CSNK2A2IP: variants seen among roughly 807,000 people sequenced by gnomAD.
CSNK2A2IP encodes the protein casein kinase II subunit alpha'-interacting protein.
the CSNK2A2IP span, among the ~76,000 whole-genome samples, chr3:88,350,533 T>G: frequency 6.6e-6 from 1 of 151,304 alleles, no homozygotes; most frequent in Non-Finnish European, 1.5e-5. Context: ...ATGAGAAACT[T>G]ACTTTATTGC....
At chr3:88,378,350 A>T in the CSNK2A2IP span, among the ~76,000 whole-genome samples, 1 of 151,934 alleles carries the variant, frequency 6.6e-6, no homozygotes, top group Middle Eastern at 3.4e-3. Flanking sequence ...GAATACATCA[A>T]AATTCTGTCT....
chr3:88,433,497 G>T, the CSNK2A2IP span, among the ~76,000 whole-genome samples: 1 of 151,978 alleles, frequency 6.6e-6, no homozygotes, highest in African/African-American at 2.4e-5. Flanking sequence ...TAATTTTGAG[G>T]TGTTTAGTTT....
chr3:88,398,237 T>G, the CSNK2A2IP span, among the ~76,000 whole-genome samples: 1 of 152,162 alleles, frequency 6.6e-6, no homozygotes, highest in Non-Finnish European at 1.5e-5. Context: ...TGGCCCATTG[T>G]TGAACCCATT....
the CSNK2A2IP span, among the ~76,000 whole-genome samples, chr3:88,462,982 A>G: frequency 6.6e-6 from 1 of 152,240 alleles, no homozygotes; most frequent in Non-Finnish European, 1.5e-5. Context: ...CAAGTGAATT[A>G]TGGTACTAAT....
At chr3:88,346,695 G>C in the CSNK2A2IP span, among the ~76,000 whole-genome samples, 1 of 151,884 alleles carries the variant, frequency 6.6e-6, no homozygotes, top group Non-Finnish European at 1.5e-5. Context: ...TTTTCAAAAC[G>C]TTTGAAAATA....
At chr3:88,396,951 T>G in the CSNK2A2IP span, among the ~76,000 whole-genome samples, 1 of 152,080 alleles carries the variant, frequency 6.6e-6, no homozygotes, top group Non-Finnish European at 1.5e-5. Flanking sequence ...CTAACAGAGT[T>G]AGTGATAGCT....
At chr3:88,398,435 C>G in the CSNK2A2IP span, among the ~76,000 whole-genome samples, 1 of 152,012 alleles carries the variant, frequency 6.6e-6, no homozygotes, top group Admixed American at 6.6e-5. Flanking sequence ...CTAATATGAA[C>G]GCAAAAACTT....
the CSNK2A2IP span, among the ~76,000 whole-genome samples, chr3:88,409,515 A>C: frequency 6.6e-6 from 1 of 150,664 alleles, no homozygotes. Context: ...CAGGTACAGA[A>C]GAAAATTTTG....
At chr3:88,345,895 G>A in the CSNK2A2IP span, among the ~76,000 whole-genome samples, 1 of 151,996 alleles carries the variant, frequency 6.6e-6, no homozygotes, top group Middle Eastern at 3.2e-3. Context: ...TATGTTGAAA[G>A]CTGAGGCAGG....
At chr3:88,367,895 AG>A in the CSNK2A2IP span, among the ~76,000 whole-genome samples, 2 of 152,080 alleles carry the variant, frequency 1.3e-5, no homozygotes, top group African/African-American at 2.4e-5. Context: ...TTATTTTTCA[AG>A]AAAAAAGATT....
At chr3:88,430,321 A>C in the CSNK2A2IP span, among the ~76,000 whole-genome samples, 1 of 152,172 alleles carries the variant, frequency 6.6e-6, no homozygotes, top group Non-Finnish European at 1.5e-5. Flanking sequence ...TCTCAAATCT[A>C]TACATACATA....
the CSNK2A2IP span, among the ~76,000 whole-genome samples, chr3:88,390,718 C>G: frequency 1.3e-5 from 2 of 152,062 alleles, no homozygotes; most frequent in Non-Finnish European, 2.9e-5. Flanking sequence ...CTTGAGCAGT[C>G]TGAAATAATT....
chr3:88,367,440 A>G, the CSNK2A2IP span, among the ~76,000 whole-genome samples: 1 of 152,096 alleles, frequency 6.6e-6, no homozygotes, highest in Non-Finnish European at 1.5e-5. Context: ...GGCTTAACAC[A>G]TGATGTTTTA....
At chr3:88,463,048 T>G in the CSNK2A2IP span, among the ~76,000 whole-genome samples, 1 of 152,156 alleles carries the variant, frequency 6.6e-6, no homozygotes, top group Non-Finnish European at 1.5e-5. Flanking sequence ...AAAGTCACCT[T>G]GACATAAAGA....
At chr3:88,432,623 A>G in the CSNK2A2IP span, among the ~76,000 whole-genome samples, 1,003 of 151,798 alleles carry the variant, frequency 6.6e-3, 12 homozygotes, top group Non-Finnish European at 9.3e-3. Context: ...AACTTTAAAT[A>G]TATACAACAA....
the CSNK2A2IP span, among the ~76,000 whole-genome samples, chr3:88,377,290 G>T: frequency 6.6e-6 from 1 of 151,622 alleles, no homozygotes; most frequent in African/African-American, 2.4e-5. Context: ...ATATACTGGT[G>T]CCCCTTTACC....
At chr3:88,430,647 T>A in the CSNK2A2IP span, among the ~76,000 whole-genome samples, 1 of 152,112 alleles carries the variant, frequency 6.6e-6, no homozygotes, top group Non-Finnish European at 1.5e-5. Flanking sequence ...GTAAAAATTT[T>A]AGAAGGAGAA....
At chr3:88,351,099 T>C in the CSNK2A2IP span, among the ~76,000 whole-genome samples, 11 of 152,318 alleles carry the variant, frequency 7.2e-5, no homozygotes, top group South Asian at 2.1e-4. Flanking sequence ...AGGACTAAAA[T>C]TGAGTTAATT....
the CSNK2A2IP span, among the ~76,000 whole-genome samples, chr3:88,403,649 T>C: frequency 7.2e-5 from 11 of 152,120 alleles, no homozygotes; most frequent in African/African-American, 2.2e-4. Flanking sequence ...TGATCAGCAC[T>C]TTACATGCAT....
Sources: allele counts gnomAD v4.1 joint callset (sites outside exome capture counted in the v4.1 genomes callset), GRCh38; gene constraint gnomAD v4.1.1; transcripts MANE v1.5; gene names NCBI Gene and HGNC (gene_info 2026-07-23, HGNC 2026-07-21).